Variants in PDE11A observed in about 807,000 individuals in gnomAD.
PDE11A encodes dual 3',5'-cyclic-AMP and -GMP phosphodiesterase 11A.
Under a neutral mutation model 100.5 loss-of-function variants are expected in PDE11A, and 100 were observed. The ratio of observed to expected loss-of-function variants is 1.00; its 90% CI spans 0.85 to 1.18. PDE11A has a LOEUF of 1.18. PDE11A is among the 50% of genes most tolerant of loss of function. The probability of loss-of-function intolerance (pLI) is 0.00; values close to 1 mark genes in which losing one functional copy is unlikely to be tolerated. For missense variants in PDE11A, 1,141 were observed against 1,152.6 expected, an observed-to-expected ratio of 0.99 and a Z score of 0.15; for synonymous variants, 381 against 420.8, an observed-to-expected ratio of 0.91 and a Z score of 1.16.
chr2:177,805,894 T>C (rs1377569876), intron 9 of PDE11A, among the ~76,000 whole-genome samples: 1 of 152,154 alleles, frequency 6.6e-6, no homozygotes, highest in Non-Finnish European at 1.5e-5. Flanking sequence ...AAAGAGTGAA[T>C]GTGAGACAAA....
chr2:177,937,698 CA>C (rs2085294319), intron 2 of PDE11A, among the ~76,000 whole-genome samples: 1 of 152,072 alleles, frequency 6.6e-6, no homozygotes, highest in Non-Finnish European at 1.5e-5. Context: ...CTTTTCTTTC[CA>C]AAAACCTACA....
intron 9 of PDE11A, among the ~76,000 whole-genome samples, chr2:177,770,454 G>A (rs1359292113): frequency 1.3e-5 from 2 of 152,246 alleles, no homozygotes; most frequent in African/African-American, 4.8e-5. Context: ...ACCCCAATTC[G>A]CAGGCTCCCT....
rs1558953321 is a variant in PDE11A, at chr2:177,817,865, AG to A, written c.1636del (p.Leu546PhefsTer22). ...GKPFDDADQR[L>X]FEAFVIFCGL... ...ATAAATTTATTTTCTTACCTCAAAA[AG>A]TCGTTGATCTGCATCATCAAAAGGT... On this transcript the variant is annotated frameshift_variant, in exon 8 of 20. Coordinates refer to ENST00000286063, the MANE Select transcript of PDE11A (RefSeq NM_016953.4). LOFTEE classifies it high-confidence loss of function. 4.0e-6 allele frequency: 6 copies of A among 1,487,238 alleles called. No individual in the cohort carries two copies. The highest frequency in any genetic ancestry group is 5.6e-6 in the Non-Finnish European group (6 of 1,066,308). 92.1% of individuals were successfully genotyped at this position (1,487,238 alleles called of 1,614,324 possible).
chr2:177,857,229 A>C (rs115888723), intron 5 of PDE11A, among the ~76,000 whole-genome samples: 1 of 152,124 alleles, frequency 6.6e-6, no homozygotes, highest in Non-Finnish European at 1.5e-5. Flanking sequence ...AAAAATTAAG[A>C]CATTCTCAAA....
At chr2:177,732,538 G>A (rs1380280984) in intron 10 of PDE11A, among the ~76,000 whole-genome samples, 1 of 152,116 alleles carries the variant, frequency 6.6e-6, no homozygotes, top group African/African-American at 2.4e-5. Context: ...CTCCACTCCA[G>A]GTGGCCCCTG....
intron 1 of PDE11A, among the ~76,000 whole-genome samples, chr2:178,031,607 G>A (rs12472886): frequency 0.5 from 76,418 of 151,890 alleles, 20,002 homozygotes; most frequent in East Asian, 0.71. Flanking sequence ...AGCAAAGAAT[G>A]TGTAAGACTT....
At chr2:177,883,279 A>G (rs1046694969) in intron 4 of PDE11A, among the ~76,000 whole-genome samples, 12 of 151,986 alleles carry the variant, frequency 7.9e-5, no homozygotes, top group African/African-American at 2.2e-4. Flanking sequence ...AAAAAAAAAA[A>G]AAGAAAAAGA....
At chr2:177,720,585 C>T (rs1232777147) in intron 12 of PDE11A, among the ~76,000 whole-genome samples, 1 of 152,130 alleles carries the variant, frequency 6.6e-6, no homozygotes, top group African/African-American at 2.4e-5. Flanking sequence ...GAGACCAGAA[C>T]CTTTCCAGCT....
chr2:177,962,719 T>C (rs2085650241), intron 2 of PDE11A, among the ~76,000 whole-genome samples: 1 of 152,028 alleles, frequency 6.6e-6, no homozygotes, highest in African/African-American at 2.4e-5. Flanking sequence ...GAACAGCAAA[T>C]CCTAACAACA....
In PDE11A at chr2:177,675,475, G is replaced by C; in HGVS notation, c.2467C>G (p.Pro823Ala). 1 of 1,613,352 alleles carries C rather than the reference G, an allele frequency of 6.2e-7. No homozygotes were observed. Residue 823 changes from proline to alanine, a missense_variant, in exon 17 of 20, where the codon CCG (proline) becomes GCG (alanine). Pro to Ala is a conservative substitution (Grantham distance 27, BLOSUM62 -1). Coordinates refer to ENST00000286063, the MANE Select transcript of PDE11A (RefSeq NM_016953.4). Reference sequence around the variant, plus strand: ...CTTGCCTGTCTGGAGATCTCCCACGGTTTGGTCACGGCTCCAAGGTCACAG... The same window carrying C: ...CTTGCCTGTCTGGAGATCTCCCACGCTTTGGTCACGGCTCCAAGGTCACAG... Reference protein sequence around the residue: ...TACDLGAVTKPWEISRQVAEL... With the variant: ...TACDLGAVTKAWEISRQVAEL...
chr2:177,866,683 T>C (rs2084035328), intron 5 of PDE11A, among the ~76,000 whole-genome samples: 1 of 152,226 alleles, frequency 6.6e-6, no homozygotes, highest in Non-Finnish European at 1.5e-5. Flanking sequence ...TCCAGGGATA[T>C]ATTGTATTCG....
intron 19 of PDE11A, among the ~76,000 whole-genome samples, chr2:177,655,235 A>G (rs1453988366): frequency 6.6e-6 from 1 of 152,234 alleles, no homozygotes; most frequent in Non-Finnish European, 1.5e-5. Flanking sequence ...TATTAATACT[A>G]ACATACAAAG....
rs564838861 is a variant in PDE11A, at chr2:177,623,369, T to C, written c.*6038A>G. 8 of 152,368 alleles carry C rather than the reference T, an allele frequency of 5.3e-5. No homozygotes were observed. The South Asian group carries it at 8.3e-4, about 16-fold the overall frequency. 9.4% of individuals were successfully genotyped at this position (152,368 alleles called of 1,614,324 possible). The stretch of plus-strand genomic sequence containing the variant: ...TGTCTATAATGTAATATTCTTACAA[T>C]GAAACATCAGTCTGGGAAATCTACA... On this transcript the variant is annotated 3_prime_UTR_variant, in exon 20 of 20. Transcript: ENST00000286063.
In PDE11A at chr2:177,675,437, C is replaced by T. The variant is rs761513622; in HGVS notation, c.2487+18G>A. The T allele has an allele frequency of 1.9e-6, 3 of 1,593,802 alleles. No homozygotes were observed. The highest frequency in any genetic ancestry group is 4.5e-5 in the East Asian group (2 of 44,738). On this transcript the variant is annotated intron_variant, in intron 17 of 19. Coordinates refer to ENST00000286063, the MANE Select transcript of PDE11A (RefSeq NM_016953.4). ...CCAGTCCCTCCTCTGCTGAGCCCTG[C>T]CATTAATCACCACTTGCCTGTCTGG... is the stretch of plus-strand genomic sequence containing the variant.
intron 2 of PDE11A, among the ~76,000 whole-genome samples, chr2:177,952,453 G>T (rs184870397): frequency 5.9e-4 from 90 of 152,250 alleles, no homozygotes; most frequent in African/African-American, 2.0e-3. Context: ...CTTGAGGGAG[G>T]CAACACAAGG....
intron 1 of PDE11A, among the ~76,000 whole-genome samples, chr2:178,062,865 T>C (rs2086990198): frequency 6.6e-6 from 1 of 152,198 alleles, no homozygotes. Context: ...AGAAAGCCTA[T>C]GTTTTATATA....
At chr2:177,638,221 G>A (rs1051595428) in intron 19 of PDE11A, among the ~76,000 whole-genome samples, 1 of 151,714 alleles carries the variant, frequency 6.6e-6, no homozygotes, top group African/African-American at 2.4e-5. Flanking sequence ...GGATGGTCTC[G>A]ATCTCCTGAC....
intron 15 of PDE11A, among the ~76,000 whole-genome samples, chr2:177,696,501 C>T (rs1023964887): frequency 1.2e-4 from 18 of 152,236 alleles, no homozygotes; most frequent in African/African-American, 3.6e-4. Flanking sequence ...AAAATGAGTA[C>T]AGGCCATTGA....
At chr2:177,814,847 A>G (rs899180356) in intron 9 of PDE11A, among the ~76,000 whole-genome samples, 5 of 152,158 alleles carry the variant, frequency 3.3e-5, no homozygotes, top group African/African-American at 1.2e-4. Flanking sequence ...TTGGGGTAGG[A>G]GTAGTGCCAG....
Sources: gnomAD v4.1 joint callset for allele counts (sites outside exome capture counted in the v4.1 genomes callset) on GRCh38, gnomAD v4.1.1 for gene constraint, MANE v1.5 for transcripts, NCBI Gene and HGNC (gene_info 2026-07-23, HGNC 2026-07-21) for gene names.